ECT2: variants seen among roughly 807,000 people sequenced by gnomAD.
The protein encoded by ECT2 is epithelial cell transforming 2, also known as protein ECT2.
In ECT2, 61 loss-of-function variants were observed where a neutral mutation model predicts 116.9. The observed-to-expected ratio is 0.52, with a 90% CI of 0.42 to 0.65. The LOEUF (loss-of-function observed/expected upper bound fraction) is 0.65. ECT2 is among the 30% of genes least tolerant of loss of function. ECT2 has a pLI of 0.00. For synonymous variants in ECT2, 358 were observed against 346.4 expected (o/e 1.03, Z -0.37); for missense variants, 937 against 1,078.7 (o/e 0.87, Z 1.84).
intron 8 of ECT2, among the ~76,000 whole-genome samples, 193 bp downstream of exon 8, chr3:172,761,876 A>G (rs1447613528): frequency 2.0e-5 from 3 of 152,146 alleles, no homozygotes; most frequent in East Asian, 1.9e-4. Flanking sequence ...TATCTTTGAT[A>G]TCTTTGGATT....
At chr3:172,826,869 T>C in the ECT2 span, among the ~76,000 whole-genome samples, 1 of 152,118 alleles carries the variant, frequency 6.6e-6, no homozygotes, top group African/African-American at 2.4e-5. Flanking sequence ...AGTCACAGAA[T>C]GGAAAAATAT....
chr3:172,792,901 GT>G (rs1724936632), intron 18 of ECT2, among the ~76,000 whole-genome samples: 1 of 151,942 alleles, frequency 6.6e-6, no homozygotes, highest in African/African-American at 2.4e-5. Flanking sequence ...TGTATTTTTT[GT>G]GGAGACAGGG....
At chr3:172,785,244 CAT>C (rs1723408563) in intron 17 of ECT2, among the ~76,000 whole-genome samples, 1 of 152,058 alleles carries the variant, frequency 6.6e-6, no homozygotes, top group South Asian at 2.1e-4. Flanking sequence ...ACTCTTGAAA[CAT>C]ATCTATTTAT....
intron 22 of ECT2, among the ~76,000 whole-genome samples, chr3:172,812,091 C>T (rs573645522): frequency 2.0e-5 from 3 of 150,710 alleles, no homozygotes; most frequent in African/African-American, 7.3e-5. Flanking sequence ...TCAAGTGATT[C>T]TCGTGCCTCA....
At chr3:172,822,233 G>A (rs944019701), downstream of ECT2, among the ~76,000 whole-genome samples, 4 of 151,904 alleles carry the variant, frequency 2.6e-5, no homozygotes, top group Non-Finnish European at 5.9e-5. Context: ...GTTCCAAAAG[G>A]TTGTTTACAG....
intron 20 of ECT2, among the ~76,000 whole-genome samples, chr3:172,803,792 T>C (rs1727158171): frequency 1.3e-5 from 2 of 151,804 alleles, no homozygotes; most frequent in Admixed American, 1.3e-4. Flanking sequence ...CTGTTTCTGT[T>C]TCTGTTTCTT....
intron 1 of ECT2, among the ~76,000 whole-genome samples, chr3:172,751,865 A>G (rs1715922457): frequency 1.3e-5 from 2 of 152,148 alleles, no homozygotes; most frequent in African/African-American, 4.8e-5. Context: ...AGTGATTAAT[A>G]TATTTCCATT....
At position 172,784,751 on chromosome 3, in the gene ECT2, ACTT is replaced by A; in HGVS notation, c.1777_1779del (p.Leu593del). ...AATGTGGACGGCAGAGCCTTGTTGAACTTCTTATCCGACCAGTACAGAGGTTAC... is the reference window on the plus strand; with the variant it reads ...AATGTGGACGGCAGAGCCTTGTTGAACTTATCCGACCAGTACAGAGGTTAC... On this transcript the variant is annotated inframe_deletion, in exon 17 of 25. Transcript: ENST00000392692. 6.2e-7 allele frequency: 1 copy of A among 1,613,588 alleles called. No homozygotes were observed. The highest frequency in any genetic ancestry group is 8.5e-7 in the Non-Finnish European group (1 of 1,179,562).
Position 172,817,748 on chromosome 3 carries a change from A to G in ECT2, c.2655+911A>G, listed in dbSNP as rs565351518. On this transcript the variant is annotated intron_variant, in intron 24 of 24. Transcript: ENST00000392692. The stretch of plus-strand genomic sequence containing the variant: ...CTTTATAAAATTATTAACCTACTGA[A>G]GTTAAGAAAAGCAAGTGACTGTCAT... 9.2e-5 allele frequency among the ~76,000 whole-genome samples: 14 copies of G among 152,184 alleles called. No homozygotes were observed. In the South Asian group the frequency reaches 2.9e-3, roughly 32 times the overall value.
At chr3:172,789,145 A>G (rs1270084143) in intron 18 of ECT2, among the ~76,000 whole-genome samples, 1 of 147,638 alleles carries the variant, frequency 6.8e-6, no homozygotes, top group East Asian at 2.0e-4. Flanking sequence ...CTTGATGTTG[A>G]TGGCTGCTTA....
chr3:172,806,464 C>T, intron 21 of ECT2, among the ~76,000 whole-genome samples: 1 of 152,032 alleles, frequency 6.6e-6, no homozygotes, highest in South Asian at 2.1e-4. Context: ...ACAGTGTCAT[C>T]TGTTTAATTG....
rs1019200837 is a variant in ECT2, at chr3:172,820,155, C to T, written c.2663C>T (p.Pro888Leu). 8.7e-6 allele frequency: 14 copies of T among 1,607,530 alleles called. No individual in the cohort carries two copies. The highest frequency in any genetic ancestry group is 8.4e-5 in the Admixed American group (5 of 59,640). The stretch of plus-strand genomic sequence containing the variant: ...TTTGTTTTGTCTTAACAGGGTATCC[C>T]TTCTCCCTCCCTTGTCAGCCTTCCT... ...LSSTSSLAGI[P>L]SPSLVSLPSF... The change falls in exon 25 of 25, where the codon CCT becomes CTT. Residue 888 changes from proline to leucine, a missense_variant. Transcript: ENST00000392692.
intron 22 of ECT2, 59 bp from the exon 23 acceptor site, chr3:172,815,545 T>A: frequency 9.0e-7 from 1 of 1,107,940 alleles, no homozygotes; most frequent in East Asian, 2.4e-5. Flanking sequence ...GCTTAAAAGT[T>A]TGATTTTTAG....
intron 18 of ECT2, among the ~76,000 whole-genome samples, chr3:172,790,051 CT>C (rs1724376752): frequency 6.6e-6 from 1 of 151,576 alleles, no homozygotes; most frequent in African/African-American, 2.4e-5. Context: ...TGAGCTCTGG[CT>C]TTTGGTTTTT....
chr3:172,772,401 T>C (rs545876085), intron 13 of ECT2, among the ~76,000 whole-genome samples: 2 of 152,256 alleles, frequency 1.3e-5, no homozygotes, highest in Non-Finnish European at 2.9e-5. Context: ...TTTCACCATC[T>C]TAGGCAGAAT....
At position 172,816,749 on chromosome 3, in the gene ECT2, T is replaced by C. The variant is rs750584970; in HGVS notation, c.2567T>C (p.Met856Thr). The C allele has an allele frequency of 1.6e-5, 25 of 1,611,228 alleles. No individual in the cohort carries two copies. The highest frequency in any genetic ancestry group is 3.3e-5 in the South Asian group (3 of 90,694). The change falls in exon 24 of 25, where the codon ATG becomes ACG. Residue 856 changes from methionine (M) to threonine (T), a missense_variant. Transcript: ENST00000392692. ...TPKRALRRAL[M>T]TSHGSVEGRS... is the part of the protein sequence containing the mutation. Reference sequence around the variant, plus strand: ...AAAAGAGCTCTTCGAAGGGCTCTTATGACATCCCACGGCTCAGTGGAGGGA... The same window carrying C: ...AAAAGAGCTCTTCGAAGGGCTCTTACGACATCCCACGGCTCAGTGGAGGGA...
chr3:172,776,198 C>A lies in ECT2; in HGVS notation c.1548+2176C>A, dbSNP rs199534124. On this transcript the variant is annotated intron_variant, in intron 14 of 24. Coordinates refer to ENST00000392692, the MANE Select transcript of ECT2 (RefSeq NM_001258315.2). ...TCAACTATTAGTTTTTCAGTTTTTT[C>A]TTTTTTTTTTTTTTTTTTTTTTTGT... 1.1e-3 allele frequency among the ~76,000 whole-genome samples: 128 copies of A among 111,582 alleles called. No individual in the cohort carries two copies. The East Asian group carries it at 0.024, about 20-fold the overall frequency. The allele number at this position is 111,582 out of a possible 152,430, so 73.2% of individuals were successfully genotyped here.
Position 172,769,251 on chromosome 3 carries a change from A to C in ECT2, c.1428+108A>C. 3 of 1,095,474 alleles carry C rather than the reference A, an allele frequency of 2.7e-6. No individual in the cohort carries two copies. In the South Asian group the frequency reaches 5.5e-5, roughly 20 times the overall value. 67.9% of individuals were successfully genotyped at this position (1,095,474 alleles called of 1,614,324 possible). On this transcript the variant is annotated intron_variant, in intron 13 of 24. Coordinates refer to ENST00000392692, the MANE Select transcript of ECT2 (RefSeq NM_001258315.2). ...AAAATTATATAAACATAGTATTTGA[A>C]CATGGATGTTAAAAATGGAATTGTG... is the stretch of plus-strand genomic sequence containing the variant.
chr3:172,783,985 A>C (rs1723167386), intron 16 of ECT2, 76 bp downstream of exon 16: 1 of 1,059,622 alleles, frequency 9.4e-7, no homozygotes, highest in Middle Eastern at 2.3e-4. Context: ...ACAAAAATGA[A>C]GTAAATTTTA....
Sources: allele counts gnomAD v4.1 joint callset (sites outside exome capture counted in the v4.1 genomes callset), GRCh38; gene constraint gnomAD v4.1.1; transcripts MANE v1.5; gene names NCBI Gene and HGNC (gene_info 2026-07-23, HGNC 2026-07-21).